PCDH15: variants seen among roughly 807,000 people sequenced by gnomAD.
PCDH15 encodes the protein protocadherin-15.
A neutral mutation model predicts 178.5 loss-of-function variants in PCDH15; 129 were observed. The ratio of observed to expected loss-of-function variants is 0.72; its 90% CI spans 0.63 to 0.84. PCDH15 has a LOEUF of 0.84. Ranked by LOEUF, PCDH15 falls within the 40% of genes least tolerant of loss-of-function variation. PCDH15 has a pLI of 0.00. For synonymous variants in PCDH15, 800 were observed against 732.0 expected (o/e 1.09, Z -1.50); for missense variants, 2,230 against 2,099.9 (o/e 1.06, Z -1.21).
intron 2 of PCDH15, among the ~76,000 whole-genome samples, chr10:55,562,541 G>C (rs910952110): frequency 1.3e-5 from 2 of 151,922 alleles, no homozygotes; most frequent in African/African-American, 4.8e-5. Flanking sequence ...GTTGAGAAAT[G>C]TGTCGTACAT....
intron 2 of PCDH15, among the ~76,000 whole-genome samples, chr10:55,385,860 T>C (rs972754245): frequency 4.0e-5 from 6 of 151,000 alleles, no homozygotes; most frequent in Non-Finnish European, 8.9e-5. Context: ...TCTATATACA[T>C]ATATGCGCAC....
chr10:54,207,632 T>C (rs2050956921), intron 10 of PCDH15, among the ~76,000 whole-genome samples: 1 of 151,992 alleles, frequency 6.6e-6, no homozygotes, highest in Non-Finnish European at 1.5e-5. Context: ...TCAGGCACCC[T>C]GTGGAGGAAC....
At chr10:55,399,387 C>G (rs1262343340) in intron 2 of PCDH15, among the ~76,000 whole-genome samples, 1 of 151,962 alleles carries the variant, frequency 6.6e-6, no homozygotes, top group Non-Finnish European at 1.5e-5. Flanking sequence ...CTCAGAAGAC[C>G]AAATCTTTAA....
intron 3 of PCDH15, among the ~76,000 whole-genome samples, chr10:54,526,363 T>C (rs1006901579): frequency 1.3e-5 from 2 of 152,220 alleles, no homozygotes; most frequent in Non-Finnish European, 2.9e-5. Context: ...AAATTGTTGA[T>C]AAACCTTGCA....
In PCDH15 at chr10:55,135,460, C is replaced by T. The variant is rs1054731644; in HGVS notation, c.-80+31116G>A. Reference sequence around the variant, plus strand: ...CTCCACTCCCTAAACACAATAAAAACGAAGCTAGTTTCCTTTCTCTGCTGT... The same window carrying T: ...CTCCACTCCCTAAACACAATAAAAATGAAGCTAGTTTCCTTTCTCTGCTGT... On this transcript the variant is annotated intron_variant, in intron 2 of 5. Transcript: ENST00000458638. 4.6e-5 allele frequency among the ~76,000 whole-genome samples: 7 copies of T among 151,854 alleles called. No homozygotes were observed. In the East Asian group the frequency reaches 5.8e-4, roughly 13 times the overall value.
intron 1 of PCDH15, among the ~76,000 whole-genome samples, chr10:54,748,938 C>A (rs1458548887): frequency 6.6e-6 from 1 of 152,186 alleles, no homozygotes; most frequent in Non-Finnish European, 1.5e-5. Flanking sequence ...AACTCTCTTT[C>A]TTTGCTGAGC....
intron 2 of PCDH15, among the ~76,000 whole-genome samples, chr10:55,547,910 T>TGA (rs763752387): frequency 0.046 from 2,509 of 54,640 alleles, 93 homozygotes; most frequent in Middle Eastern, 0.068. Flanking sequence ...TGTGTGTGTG[T>TGA]GAGAGAGAGA....
chr10:55,542,450 GTATT>G (rs1044357498), intron 2 of PCDH15, among the ~76,000 whole-genome samples: 17 of 150,660 alleles, frequency 1.1e-4, no homozygotes, highest in South Asian at 8.4e-4. Context: ...TGTAATATAT[GTATT>G]TAATACGTAT....
intron 7 of PCDH15, among the ~76,000 whole-genome samples, chr10:54,328,765 G>C (rs1162830393): frequency 6.6e-6 from 1 of 150,788 alleles, no homozygotes; most frequent in Admixed American, 6.7e-5. Context: ...AGCTGATAAG[G>C]CATTGGGAAA....
chr10:55,028,895 T>C (rs920176817), intron 2 of PCDH15, among the ~76,000 whole-genome samples: 8 of 152,088 alleles, frequency 5.3e-5, no homozygotes, highest in Non-Finnish European at 1.2e-4. Context: ...TAAATATTAA[T>C]CCATATTCTG....
chr10:54,150,705 A>G (rs1333544860), intron 14 of PCDH15, among the ~76,000 whole-genome samples: 2 of 151,756 alleles, frequency 1.3e-5, no homozygotes, highest in African/African-American at 4.8e-5. Context: ...TTTGTTTTAT[A>G]TATGTTTATA....
intron 2 of PCDH15, among the ~76,000 whole-genome samples, chr10:54,530,965 A>T (rs1008158308): frequency 3.3e-5 from 5 of 152,292 alleles, no homozygotes; most frequent in Admixed American, 2.0e-4. Context: ...AATAAGAACA[A>T]TTATATTTAG....
intron 2 of PCDH15, among the ~76,000 whole-genome samples, chr10:55,063,551 A>G (rs1377732196): frequency 6.6e-6 from 1 of 152,128 alleles, no homozygotes; most frequent in South Asian, 2.1e-4. Context: ...TTATCTGTAT[A>G]CATGGGGAGA....
chr10:54,013,413 A>G (rs925348464), intron 20 of PCDH15, among the ~76,000 whole-genome samples: 14 of 152,200 alleles, frequency 9.2e-5, no homozygotes, highest in Admixed American at 9.2e-4. Flanking sequence ...TGGACATAAT[A>G]GACATCTATA....
chr10:53,945,599 C>T (rs1023093920), intron 23 of PCDH15, among the ~76,000 whole-genome samples: 3 of 151,904 alleles, frequency 2.0e-5, no homozygotes, highest in African/African-American at 2.4e-5. Context: ...CATTTTTTTA[C>T]GCTCTACTTT....
At chr10:54,981,336 C>A (rs777899347) in intron 2 of PCDH15, among the ~76,000 whole-genome samples, 1 of 152,126 alleles carries the variant, frequency 6.6e-6, no homozygotes, top group African/African-American at 2.4e-5. Flanking sequence ...GAGTCTAAAT[C>A]CCTACCTTCA....
intron 2 of PCDH15, among the ~76,000 whole-genome samples, chr10:55,054,447 T>C (rs1841243000): frequency 6.6e-6 from 1 of 152,192 alleles, no homozygotes; most frequent in Non-Finnish European, 1.5e-5. Context: ...TTTAGTTTGA[T>C]TCCATGTCTT....
At chr10:54,695,440 T>C (rs1163891252) in intron 1 of PCDH15, among the ~76,000 whole-genome samples, 1 of 152,124 alleles carries the variant, frequency 6.6e-6, no homozygotes, top group Non-Finnish European at 1.5e-5. Context: ...CTCCATAACA[T>C]AAAAGTGTAA....
intron 1 of PCDH15, among the ~76,000 whole-genome samples, chr10:54,705,377 T>C (rs1326387475): frequency 6.6e-6 from 1 of 152,134 alleles, no homozygotes; most frequent in Non-Finnish European, 1.5e-5. Context: ...CATTTGAATG[T>C]GGTAGAGATA....
Sources: gnomAD v4.1 joint callset for allele counts (sites outside exome capture counted in the v4.1 genomes callset) on GRCh38, gnomAD v4.1.1 for gene constraint, MANE v1.5 for transcripts, NCBI Gene and HGNC (gene_info 2026-07-23, HGNC 2026-07-21) for gene names.